CYBA: variants seen among roughly 807,000 people sequenced by gnomAD.
CYBA encodes the protein cytochrome b-245 light chain.
Under a neutral mutation model 20.8 loss-of-function variants are expected in CYBA, and 21 were observed. That is an observed-to-expected ratio of 1.01 (90% CI 0.72 to 1.46). The LOEUF (loss-of-function observed/expected upper bound fraction) is 1.46. Ranked by LOEUF, CYBA falls within the 40% of genes most tolerant of loss-of-function variation. The probability of loss-of-function intolerance (pLI) is 0.00; values close to 1 mark genes in which losing one functional copy is unlikely to be tolerated. For synonymous variants in CYBA, 164 were observed against 127.5 expected (o/e 1.29, Z -1.93); for missense variants, 344 against 287.0 (o/e 1.20, Z -1.43).
At chr16:88,646,565 T>A (rs927270508) in intron 4 of CYBA, 190 bp downstream of exon 4, 8 of 707,402 alleles carry the variant, frequency 1.1e-5, no homozygotes, top group Non-Finnish European at 1.5e-5. Context: ...TTGGAGTGGA[T>A]CCTTACAAAT....
intron 1 of CYBA, among the ~76,000 whole-genome samples, chr16:88,649,076 T>G (rs1907402515): frequency 6.6e-6 from 1 of 151,832 alleles, no homozygotes; most frequent in Non-Finnish European, 1.5e-5. Flanking sequence ...TAGCTGGGAC[T>G]ATGCGCGCCT....
At chr16:88,648,190 G>A (rs1324656803) in intron 1 of CYBA, 76 bp from the exon 2 acceptor site, 2 of 1,435,694 alleles carry the variant, frequency 1.4e-6, no homozygotes, top group Admixed American at 2.0e-5. Context: ...TCTACCTACT[G>A]TGGGCCACCA....
At position 88,645,358 on chromosome 16, in the gene CYBA, C is replaced by T. The variant is rs1409132613; in HGVS notation, c.369+758G>A. ...CGTACACAGAAAGTGCTGCACCTTT[C>T]CCACGCACACACACTAGAAGACGCA... On this transcript the variant is annotated intron_variant, in intron 5 of 5. Transcript: ENST00000261623. The T allele has an allele frequency of 5.7e-6, 4 of 702,462 alleles. No individual in the cohort carries two copies. The South Asian group carries it at 5.9e-5, about 10-fold the overall frequency. 43.5% of individuals were successfully genotyped at this position (702,462 alleles called of 1,614,324 possible).
chr16:88,645,765 C>T (rs1246747404), intron 5 of CYBA: 4 of 534,914 alleles, frequency 7.5e-6, no homozygotes, highest in Admixed American at 6.4e-5. Context: ...TAATGGGACC[C>T]AAGCGCAGGC....
Position 88,646,187 on chromosome 16 carries a change from G to T in CYBA, c.298C>A (p.Pro100Thr). 1 of 1,553,918 alleles carries T rather than the reference G, an allele frequency of 6.4e-7. No homozygotes were observed. ...ATGGTGGCCAGCAGGAAGCCGGCGGGCACCGAGAGCCTGGGGGACAGCGGG... is the reference window on the plus strand; with the variant it reads ...ATGGTGGCCAGCAGGAAGCCGGCGGTCACCGAGAGCCTGGGGGACAGCGGG... ...RAVLHLLLSV[P>T]AGFLLATILG... The change falls in exon 5 of 6, where the codon CCC (proline) becomes ACC (threonine). Residue 100 changes from proline to threonine, a missense_variant. Pro to Thr is a conservative substitution (Grantham distance 38). Coordinates refer to ENST00000261623, the MANE Select transcript of CYBA (RefSeq NM_000101.4).
In CYBA at chr16:88,646,190, C is replaced by G. The variant is rs773253590; in HGVS notation, c.295G>C (p.Val99Leu). ...VRAVLHLLLS[V>L]PAGFLLATIL... ...GTGGCCAGCAGGAAGCCGGCGGGCA[C>G]CGAGAGCCTGGGGGACAGCGGGTGA... The change falls in exon 5 of 6, where the codon GTG (valine) becomes CTG (leucine). Residue 99 changes from valine (V) to leucine (L), a missense_variant. Val to Leu is a conservative substitution (Grantham distance 32, BLOSUM62 1). Coordinates refer to ENST00000261623, the MANE Select transcript of CYBA (RefSeq NM_000101.4). 2 of 1,553,684 alleles carry G rather than the reference C, an allele frequency of 1.3e-6. No individual in the cohort carries two copies. Among genetic ancestry groups the G allele is most frequent in the South Asian group, 2.4e-5 (2 of 84,662 alleles).
chr16:88,644,712 C>G (rs1051030842), intron 5 of CYBA: 1 of 185,104 alleles, frequency 5.4e-6, no homozygotes, highest in African/African-American at 2.4e-5. Context: ...GTAGTCCCAG[C>G]TACTCGGGAG....
At chr16:88,648,257 A>AC in intron 1 of CYBA, 143 bp from the exon 2 acceptor site, 1 of 766,710 alleles carries the variant, frequency 1.3e-6, no homozygotes, top group East Asian at 2.7e-5. Context: ...GGTCGGGGAC[A>AC]CCCCCAGGAG....
intron 4 of CYBA, chr16:88,646,412 A>T: frequency 4.3e-6 from 1 of 233,856 alleles, no homozygotes; most frequent in Non-Finnish European, 8.2e-6. Flanking sequence ...GGAAGCAGCC[A>T]CGTGTGGGTG....
Position 88,643,848 on chromosome 16 carries a change from A to G in CYBA, c.370-277T>C, listed in dbSNP as rs1364157444. Reference sequence around the variant, plus strand: ...AAGATCCCGTGGTGGACACTCCCAGATGCAAATTCTAGTACTCAAATTCTC... The same window carrying G: ...AAGATCCCGTGGTGGACACTCCCAGGTGCAAATTCTAGTACTCAAATTCTC... On this transcript the variant is annotated intron_variant, in intron 5 of 5. Transcript: ENST00000261623. This position sits in a 1 kb window ranked among gnomAD's most constrained non-coding sequence, Gnocchi z 4.3. Among the ~76,000 whole-genome samples the G allele has an allele frequency of 6.6e-6, 1 of 152,206 alleles. No homozygotes were observed. Among genetic ancestry groups the G allele is most frequent in the Non-Finnish European group, 1.5e-5 (1 of 68,036 alleles).
At position 88,646,198 on chromosome 16, in the gene CYBA, C is replaced by T; in HGVS notation, c.288-1G>A. The stretch of plus-strand genomic sequence containing the variant: ...CAGGAAGCCGGCGGGCACCGAGAGC[C>T]TGGGGGACAGCGGGTGAGAGGCAGG... On this transcript the variant is annotated splice_acceptor_variant, in intron 4 of 5. Transcript: ENST00000261623. LOFTEE classifies it high-confidence loss of function. 1 of 1,524,438 alleles carries T rather than the reference C, an allele frequency of 6.6e-7. No individual in the cohort carries two copies. 94.4% of individuals were successfully genotyped at this position (1,524,438 alleles called of 1,614,324 possible).
At chr16:88,644,546 C>A (rs564442590) in intron 5 of CYBA, among the ~76,000 whole-genome samples, 1 of 152,226 alleles carries the variant, frequency 6.6e-6, no homozygotes, top group Non-Finnish European at 1.5e-5. Context: ...ACAATCAGGC[C>A]GGGCGCGGTG....
In CYBA at chr16:88,647,195, G is replaced by A. The variant is rs768571378; in HGVS notation, c.129-20C>T. On this transcript the variant is annotated intron_variant, in intron 2 of 5. Transcript: ENST00000261623. ...GCCACACTGAAGCCATGTGGTTAAG[G>A]AACAGCCCAGCTCAGCCTGAGGGGC... 9 of 1,610,026 alleles carry A rather than the reference G, an allele frequency of 5.6e-6. No individual in the cohort carries two copies. The East Asian group carries it at 2.0e-4, about 36-fold the overall frequency.
In CYBA at chr16:88,645,462, T is replaced by C. The variant is rs1174347057; in HGVS notation, c.369+654A>G. The C allele has an allele frequency of 5.7e-6, 4 of 699,568 alleles. No individual in the cohort carries two copies. In the South Asian group the frequency reaches 5.9e-5, roughly 10 times the overall value. The allele number at this position is 699,568 out of a possible 1,614,324, so 43.3% of individuals were successfully genotyped here. ...CAAAAGGATTTAAATAAGCAAAGTC[T>C]GAGGGCTCTGTCCACCCAGAGACCC... On this transcript the variant is annotated intron_variant, in intron 5 of 5. Coordinates refer to ENST00000261623, the MANE Select transcript of CYBA (RefSeq NM_000101.4).
rs566746926 is a variant in CYBA, at chr16:88,650,803, C to T, written c.58+153G>A. ...TCCAGCCCGCGGCCTGAGGGTCCCGCCCCCGTTCCCCGCACCCTCCTGGCC... is the reference window on the plus strand; with the variant it reads ...TCCAGCCCGCGGCCTGAGGGTCCCGTCCCCGTTCCCCGCACCCTCCTGGCC... On this transcript the variant is annotated intron_variant, in intron 1 of 5. Transcript: ENST00000261623. 5.1e-5 allele frequency: 40 copies of T among 781,884 alleles called. 1 individual carries two copies. In the South Asian group the frequency reaches 5.9e-4, roughly 11 times the overall value. The allele number at this position is 781,884 out of a possible 1,614,324, so 48.4% of individuals were successfully genotyped here.
chr16:88,645,333 C>T (rs1907240623), intron 5 of CYBA: 6 of 702,452 alleles, frequency 8.5e-6, no homozygotes, highest in South Asian at 1.5e-5. Context: ...ACGCGGAAGG[C>T]GTACACAGAA....
chr16:88,646,251 A>G, intron 4 of CYBA, 54 bp from the exon 5 acceptor site: 2 of 991,636 alleles, frequency 2.0e-6, no homozygotes, highest in Non-Finnish European at 2.4e-6. Flanking sequence ...AGAAAGGGGA[A>G]CGGAGCCCCA....
At chr16:88,646,631 GT>G in intron 4 of CYBA, 123 bp downstream of exon 4, 2 of 877,382 alleles carry the variant, frequency 2.3e-6, no homozygotes, top group African/African-American at 3.3e-5. Flanking sequence ...CCGAATTTTT[GT>G]TTGGAAAAAC....
intron 1 of CYBA, chr16:88,650,173 C>T: frequency 2.9e-6 from 1 of 346,918 alleles, no homozygotes; most frequent in South Asian, 2.1e-5. Flanking sequence ...TTCCCAGGCA[C>T]TCCTCCCCCG....
Sources: gnomAD v4.1 joint callset for allele counts (sites outside exome capture counted in the v4.1 genomes callset) on GRCh38, gnomAD v4.1.1 for gene constraint, Gnocchi (gnomAD v3.1) non-coding constraint, MANE v1.5 for transcripts, NCBI Gene and HGNC (gene_info 2026-07-23, HGNC 2026-07-21) for gene names.